The following PCSK5 variants were observed in gnomAD, a reference collection of about 807,000 sequenced individuals.
PCSK5 encodes proprotein convertase subtilisin/kexin type 5.
Under a neutral mutation model 233.2 loss-of-function variants are expected in PCSK5, and 129 were observed. That is an observed-to-expected ratio of 0.55 (90% confidence interval 0.48 to 0.64). The LOEUF (loss-of-function observed/expected upper bound fraction) is 0.64. Ranked by LOEUF, PCSK5 falls within the 30% of genes least tolerant of loss-of-function variation. The pLI is 0.00. For synonymous variants in PCSK5, 825 were observed against 879.2 expected, an observed-to-expected ratio of 0.94 and a Z score of 1.09; for missense variants, 2,076 against 2,430.1, an observed-to-expected ratio of 0.85 and a Z score of 3.06.
intron 5 of PCSK5, among the ~76,000 whole-genome samples, chr9:76,033,812 C>A (rs1432696037): frequency 1.3e-5 from 2 of 152,046 alleles, no homozygotes; most frequent in Admixed American, 1.3e-4. Flanking sequence ...GCCCCTCAGG[C>A]CTCTTTAAAA....
chr9:76,059,677 G>A (rs1221344999), intron 5 of PCSK5, among the ~76,000 whole-genome samples: 1 of 152,080 alleles, frequency 6.6e-6, no homozygotes, highest in Non-Finnish European at 1.5e-5. Context: ...AGGAACTAGA[G>A]AAAGAAAGGC....
intron 3 of PCSK5, among the ~76,000 whole-genome samples, chr9:76,006,623 C>A (rs1453479685): frequency 6.6e-6 from 1 of 152,132 alleles, no homozygotes; most frequent in Non-Finnish European, 1.5e-5. Flanking sequence ...GAACACGTTT[C>A]CTTATTCTTC....
chr9:76,334,007 C>T (rs897745254), intron 34 of PCSK5, among the ~76,000 whole-genome samples: 2 of 152,164 alleles, frequency 1.3e-5, no homozygotes. Flanking sequence ...ATTCGACTTA[C>T]AGTTCCATGT....
chr9:75,942,273 A>G (rs577019565), intron 2 of PCSK5, among the ~76,000 whole-genome samples: 1 of 152,372 alleles, frequency 6.6e-6, no homozygotes, highest in South Asian at 2.1e-4. Context: ...ATTGGCAACT[A>G]GTTCAAAAGT....
chr9:75,940,529 C>T (rs1824253580), intron 2 of PCSK5, among the ~76,000 whole-genome samples: 1 of 152,346 alleles, frequency 6.6e-6, no homozygotes, highest in East Asian at 1.9e-4. Flanking sequence ...ATCAGATGAA[C>T]TCAGACCTGT....
chr9:76,319,061 T>C (rs1374753733), intron 30 of PCSK5, among the ~76,000 whole-genome samples: 1 of 152,214 alleles, frequency 6.6e-6, no homozygotes, highest in Non-Finnish European at 1.5e-5. Flanking sequence ...TGAGGACACA[T>C]GCCCATGACA....
chr9:76,006,074 G>A (rs978443094), intron 3 of PCSK5, among the ~76,000 whole-genome samples: 2 of 151,188 alleles, frequency 1.3e-5, no homozygotes, highest in Non-Finnish European at 2.9e-5. Flanking sequence ...ATCTTTCCAA[G>A]GCTAATTTTG....
chr9:76,335,625 G>C (rs1197520709), intron 34 of PCSK5, among the ~76,000 whole-genome samples: 1 of 152,116 alleles, frequency 6.6e-6, no homozygotes, highest in African/African-American at 2.4e-5. Context: ...CTTTTAATCT[G>C]TTCCAATAAA....
chr9:76,302,396 A>C (rs1828638634), intron 28 of PCSK5, among the ~76,000 whole-genome samples, 179 bp downstream of exon 28: 1 of 152,170 alleles, frequency 6.6e-6, no homozygotes, highest in African/African-American at 2.4e-5. Flanking sequence ...ATCAGTGGGC[A>C]CTCAGAGGGA....
At chr9:76,243,097 G>T (rs1826479131) in intron 24 of PCSK5, among the ~76,000 whole-genome samples, 1 of 152,176 alleles carries the variant, frequency 6.6e-6, no homozygotes, top group South Asian at 2.1e-4. Context: ...GGAAGTCACT[G>T]GAAATGGACT....
At chr9:76,103,959 A>G (rs1489929949) in intron 8 of PCSK5, among the ~76,000 whole-genome samples, 1 of 152,204 alleles carries the variant, frequency 6.6e-6, no homozygotes, top group Non-Finnish European at 1.5e-5. Context: ...GCTTGCATGT[A>G]GAATCTCTGT....
At chr9:75,947,030 A>G (rs1442040719) in intron 2 of PCSK5, among the ~76,000 whole-genome samples, 1 of 152,214 alleles carries the variant, frequency 6.6e-6, no homozygotes, top group Non-Finnish European at 1.5e-5. Flanking sequence ...TCAGCTATGC[A>G]TATAATAAAT....
chr9:76,337,972 A>G (rs1829726324), intron 34 of PCSK5, among the ~76,000 whole-genome samples: 1 of 152,176 alleles, frequency 6.6e-6, no homozygotes, highest in Non-Finnish European at 1.5e-5. Context: ...TAGGTGTTAT[A>G]AGCACTAGGT....
rs138443511 is a variant in PCSK5 at position 76,086,268 on chromosome 9, G to A, written c.895-9622G>A. On this transcript the variant is annotated intron_variant, in intron 7 of 37. Transcript: ENST00000674117. ...AACAGCTGTGTTGGTGCTAGTAATT[G>A]ATTGTGGTTATTTCAGAGAGCATAT... is the stretch of plus-strand genomic sequence containing the variant. Among the ~76,000 whole-genome samples the A allele has an allele frequency of 2.8e-3, 433 of 152,284 alleles. 4 individuals carry two copies. Among genetic ancestry groups the A allele is most frequent in the Middle Eastern group, 0.014 (4 of 294 alleles).
At chr9:76,148,036 TA>T (rs1475833606) in intron 10 of PCSK5, among the ~76,000 whole-genome samples, 1 of 152,068 alleles carries the variant, frequency 6.6e-6, no homozygotes, top group Non-Finnish European at 1.5e-5. Flanking sequence ...TCCATTTCCT[TA>T]GTTCATTCAG....
At chr9:76,316,955 G>C (rs1021877683) in intron 30 of PCSK5, among the ~76,000 whole-genome samples, 3 of 152,026 alleles carry the variant, frequency 2.0e-5, no homozygotes, top group Admixed American at 1.3e-4. Context: ...TCAAAAAAAA[G>C]CTAAGGGTAC....
intron 5 of PCSK5, among the ~76,000 whole-genome samples, chr9:76,041,858 A>G (rs1215285450): frequency 6.6e-6 from 1 of 151,906 alleles, no homozygotes; most frequent in Admixed American, 6.6e-5. Flanking sequence ...AAAAAAAAAA[A>G]AGATTTTATA....
intron 29 of PCSK5, 33 bp downstream of exon 29, chr9:76,308,761 G>C (rs764223199): frequency 1.5e-6 from 2 of 1,378,710 alleles, no homozygotes; most frequent in Non-Finnish European, 2.1e-6. Flanking sequence ...GATGGCAGCA[G>C]TCAAGCCAAG....
intron 37 of PCSK5, among the ~76,000 whole-genome samples, chr9:76,357,045 T>C (rs1360343043): frequency 2.0e-5 from 3 of 152,086 alleles, no homozygotes; most frequent in East Asian, 1.9e-4. Context: ...AGAAAAAAAA[T>C]AGACATATTA....
Sources: gnomAD v4.1 joint callset for allele counts (sites outside exome capture counted in the v4.1 genomes callset) on GRCh38, gnomAD v4.1.1 for gene constraint, MANE v1.5 for transcripts, NCBI Gene and HGNC (gene_info 2026-07-23, HGNC 2026-07-21) for gene names.